GARNL3: variants seen among roughly 807,000 people sequenced by gnomAD.
GARNL3 encodes GTPase activating Rap/RanGAP domain like 3, also known as GTPase-activating Rap/Ran-GAP domain-like protein 3.
A neutral mutation model predicts 125.0 loss-of-function variants in GARNL3; 63 were observed. The ratio of observed to expected loss-of-function variants is 0.50; its 90% CI spans 0.41 to 0.62. The LOEUF is 0.62. Ranked by LOEUF, GARNL3 falls within the 20% of genes least tolerant of loss-of-function variation. GARNL3 has a pLI of 0.00. For missense variants in GARNL3, 994 were observed against 1,244.0 expected (o/e 0.80, Z 3.02); for synonymous variants, 439 against 457.5 (o/e 0.96, Z 0.52).
chr9:127,295,453 C>T (rs1196779365), intron 2 of GARNL3, among the ~76,000 whole-genome samples: 1 of 152,044 alleles, frequency 6.6e-6, no homozygotes, highest in East Asian at 1.9e-4. Context: ...GACTTTTTTC[C>T]TCCTGACACC....
Position 127,385,988 on chromosome 9 carries a change from G to A in GARNL3, c.2388+843G>A, listed in dbSNP as rs555571770. 1.1e-4 allele frequency among the ~76,000 whole-genome samples: 16 copies of A among 152,286 alleles called. No individual in the cohort carries two copies. The highest frequency in any genetic ancestry group is 3.9e-4 in the East Asian group (2 of 5,186). On this transcript the variant is annotated intron_variant, in intron 24 of 27. Transcript: ENST00000373387. The surrounding 1 kb of genome is among the most constrained non-coding windows in gnomAD (Gnocchi z 4.1). ...ATATCTGCATGTATGTATCATATGCGTGTACATTAGTTGATTGTAAATAGC... is the reference window on the plus strand; with the variant it reads ...ATATCTGCATGTATGTATCATATGCATGTACATTAGTTGATTGTAAATAGC...
At chr9:127,365,124 A>G (rs1831213476) in intron 21 of GARNL3, 176 bp from the exon 22 acceptor site, 1 of 567,276 alleles carries the variant, frequency 1.8e-6, no homozygotes, top group Non-Finnish European at 3.2e-6. Flanking sequence ...TCTCACTTCC[A>G]TTGTATTATA....
intron 1 of GARNL3, among the ~76,000 whole-genome samples, chr9:127,241,341 T>A (rs1176676867): frequency 1.3e-5 from 2 of 152,062 alleles, no homozygotes; most frequent in East Asian, 3.8e-4. Context: ...AGCCCTGATT[T>A]GTTATTTATT....
chr9:127,341,322 C>A (rs142029132), intron 13 of GARNL3, among the ~76,000 whole-genome samples: 3 of 152,202 alleles, frequency 2.0e-5, no homozygotes, highest in Non-Finnish European at 4.4e-5. Context: ...GCAAGTGAGG[C>A]GGGCTGAGTG....
chr9:127,384,907 G>T lies in GARNL3; in HGVS notation c.2270-120G>T. On this transcript the variant is annotated intron_variant, in intron 23 of 27. Coordinates refer to ENST00000373387, the MANE Select transcript of GARNL3 (RefSeq NM_032293.5). This position sits in a 1 kb window ranked among gnomAD's most constrained non-coding sequence, Gnocchi z 4.0. ...TTGCACATGTGAAGGAAGGAGAGAA[G>T]CAGCCAGAGGAATGAGAGATGGAAG... The T allele has an allele frequency of 1.8e-6, 1 of 571,010 alleles. No individual in the cohort carries two copies. The allele number at this position is 571,010 out of a possible 1,614,324, so 35.4% of individuals were successfully genotyped here. A position where few individuals can be genotyped will look rare whatever the true frequency, so the allele number is the denominator to read the frequency against.
intron 26 of GARNL3, 76 bp downstream of exon 26, chr9:127,389,195 C>T (rs749035520): frequency 1.2e-5 from 13 of 1,065,930 alleles, no homozygotes; most frequent in Non-Finnish European, 1.8e-5. Flanking sequence ...GAATTGTCCT[C>T]AGAAACAATG....
At chr9:127,311,505 C>T (rs2065098063) in intron 2 of GARNL3, 131 bp from the exon 3 acceptor site, 4 of 639,810 alleles carry the variant, frequency 6.3e-6, no homozygotes, top group Admixed American at 2.7e-5. Flanking sequence ...CTAATGAGAA[C>T]ATGCAGCCAC....
chr9:127,303,525 TTTTTTAAAAGTTTTAGTTTG>T (rs141310050), intron 2 of GARNL3, among the ~76,000 whole-genome samples: 3,794 of 152,288 alleles, frequency 0.025, 164 homozygotes, highest in African/African-American at 0.088. Flanking sequence ...ACATTTGTAA[TTTTTTAAAAGTTTTAGTTTG>T]TTTTTTAAAA....
At chr9:127,253,804 A>G (rs547535760) in intron 2 of GARNL3, among the ~76,000 whole-genome samples, 2 of 152,280 alleles carry the variant, frequency 1.3e-5, no homozygotes, top group South Asian at 2.1e-4. Flanking sequence ...TCAATTCAAT[A>G]TAGAAAAATC....
chr9:127,389,661 G>A (rs1041718528), intron 26 of GARNL3, among the ~76,000 whole-genome samples: 19 of 152,172 alleles, frequency 1.2e-4, no homozygotes, highest in African/African-American at 4.6e-4. Flanking sequence ...GCTCACACCT[G>A]TTATCTCAGC....
At chr9:127,298,353 A>C (rs1247823796) in intron 2 of GARNL3, among the ~76,000 whole-genome samples, 1 of 151,676 alleles carries the variant, frequency 6.6e-6, no homozygotes, top group Non-Finnish European at 1.5e-5. Context: ...TAATTTTTGT[A>C]TTTTTAGTAG....
intron 1 of GARNL3, among the ~76,000 whole-genome samples, chr9:127,274,063 T>G (rs1336812652): frequency 6.6e-6 from 1 of 152,230 alleles, no homozygotes; most frequent in Non-Finnish European, 1.5e-5. Flanking sequence ...TTTAAATCCT[T>G]TCTAAAAAAT....
chr9:127,253,304 C>T (rs920666658), intron 2 of GARNL3, among the ~76,000 whole-genome samples: 2 of 152,214 alleles, frequency 1.3e-5, no homozygotes, highest in African/African-American at 4.8e-5. Context: ...TGATGGCTCT[C>T]CTCAGATATT....
In GARNL3 at chr9:127,391,533, A is replaced by AAAAAAAATATAT; in HGVS notation, c.2870+767_2870+768insAAAAAATATATA. ...GCAAGACCCATCTCTACAAAAAAAA[A>AAAAAAAATATAT]ATATATATATATATATATAGGCTGG... On this transcript the variant is annotated intron_variant, in intron 27 of 27. Transcript: ENST00000373387. Among the ~76,000 whole-genome samples, 6 of 75,874 alleles carry AAAAAAAATATAT rather than the reference A, an allele frequency of 7.9e-5. 1 individual carries two copies. In the South Asian group the frequency reaches 4.2e-3, roughly 53 times the overall value. 49.8% of individuals were successfully genotyped at this position (75,874 alleles called of 152,430 possible).
chr9:127,318,063 G>A lies in GARNL3; in HGVS notation c.439G>A (p.Gly147Ser). 1.3e-6 allele frequency: 2 copies of A among 1,597,948 alleles called. No homozygotes were observed. The highest frequency in any genetic ancestry group is 8.6e-7 in the Non-Finnish European group (1 of 1,165,378). The change falls in exon 5 of 28, where the codon GGT (glycine) becomes AGT (serine). Residue 147 changes from glycine (G) to serine (S), a missense_variant and splice_region_variant. Physicochemically the swap from Gly to Ser is moderately conservative, Grantham distance 56. Transcript: ENST00000373387. ...QYRAILWRKT[G>S]TQKICLPYSP... ...TGATTTGATGTTTGGACTTTTCCAG[G>A]GTACCCAGAAAATATGCCTTCCCTA...
intron 2 of GARNL3, among the ~76,000 whole-genome samples, chr9:127,294,373 C>T (rs150041235): frequency 2.7e-3 from 412 of 152,222 alleles, no homozygotes; most frequent in African/African-American, 9.3e-3. Context: ...GACACTATCT[C>T]GGCTCACTGC....
rs1214801774 is a variant in GARNL3 at position 127,365,274 on chromosome 9, A to G, written c.2095-26A>G. The G allele has an allele frequency of 4.4e-6, 7 of 1,599,904 alleles. No homozygotes were observed. In the South Asian group the frequency reaches 6.6e-5, roughly 15 times the overall value. Reference sequence around the variant, plus strand: ...CACAGGGTCAGCATCCAGCCTGCCCACTACCGTTGCCCGTTATCATTGCAG... The same window carrying G: ...CACAGGGTCAGCATCCAGCCTGCCCGCTACCGTTGCCCGTTATCATTGCAG... On this transcript the variant is annotated intron_variant, in intron 21 of 27. Coordinates refer to ENST00000373387, the MANE Select transcript of GARNL3 (RefSeq NM_032293.5).
intron 1 of GARNL3, among the ~76,000 whole-genome samples, chr9:127,288,916 T>C (rs12336599): frequency 0.084 from 12,725 of 152,166 alleles, 1,557 homozygotes; most frequent in African/African-American, 0.27. Context: ...AAGGGGAGGG[T>C]GTGTCCCACG....
intron 1 of GARNL3, among the ~76,000 whole-genome samples, chr9:127,271,430 A>G (rs554823225): frequency 6.6e-6 from 1 of 150,538 alleles, no homozygotes; most frequent in East Asian, 1.9e-4. Flanking sequence ...AAATAAATAA[A>G]GGAAAGAGAA....
Sources: gnomAD v4.1 joint callset for allele counts (sites outside exome capture counted in the v4.1 genomes callset) on GRCh38, gnomAD v4.1.1 for gene constraint, Gnocchi (gnomAD v3.1) non-coding constraint, MANE v1.5 for transcripts, NCBI Gene and HGNC (gene_info 2026-07-23, HGNC 2026-07-21) for gene names.